The following BRME1 variants were observed in gnomAD, a reference collection of about 807,000 sequenced individuals.
BRME1 encodes the protein BRCA2 and MEILB2-associating protein 1.
Under a neutral mutation model 52.6 loss-of-function variants are expected in BRME1, and 31 were observed. That is an observed-to-expected ratio of 0.59 (90% CI 0.44 to 0.80). BRME1 has a LOEUF of 0.80. Ranked by LOEUF, BRME1 falls within the 30% of genes least tolerant of loss-of-function variation. The probability of loss-of-function intolerance (pLI) is 0.00; values close to 1 mark genes in which losing one functional copy is unlikely to be tolerated. For missense variants in BRME1, 804 were observed against 860.3 expected (o/e 0.93, Z 0.82); for synonymous variants, 359 against 353.6 (o/e 1.02, Z -0.17).
At chr19:13,891,135 T>TTTTTTTTTTTTA (rs59151567) in intron 5 of BRME1, among the ~76,000 whole-genome samples, 2 of 146,632 alleles carry the variant, frequency 1.4e-5, no homozygotes, top group Admixed American at 6.8e-5. Flanking sequence ...CAATTTCCTG[T>TTTTTTTTTTTTA]TTATTATTAT....
In BRME1 at chr19:13,905,990, A is replaced by C. The variant is rs1456013652; in HGVS notation, c.-297T>G. The C allele has an allele frequency of 6.6e-6, 1 of 152,582 alleles. No individual in the cohort carries two copies. The highest frequency in any genetic ancestry group is 1.5e-5 in the Non-Finnish European group (1 of 68,508). 9.5% of individuals were successfully genotyped at this position (152,582 alleles called of 1,614,324 possible). On this transcript the variant is annotated 5_prime_UTR_variant, in exon 1 of 9. Transcript: ENST00000586783. Reference sequence around the variant, plus strand: ...TGAGGACTCCACAGGCCGAGAGCCCACGTGAAGCCGGAGCCCGTCGGTGAC... The same window carrying C: ...TGAGGACTCCACAGGCCGAGAGCCCCCGTGAAGCCGGAGCCCGTCGGTGAC...
chr19:13,889,226 C>G lies in BRME1; in HGVS notation c.1630G>C (p.Ala544Pro). The G allele has an allele frequency of 6.2e-7, 1 of 1,609,658 alleles. No individual in the cohort carries two copies. Reference sequence around the variant, plus strand: ...GCTTCGAAGTCAGAGGCGTCCAGGGCATCCTGTATCTGGCTGTCCAGCAGG... The same window carrying G: ...GCTTCGAAGTCAGAGGCGTCCAGGGGATCCTGTATCTGGCTGTCCAGCAGG... ...DFLLDSQIQDALDASDFEAPP... is the reference protein window; with the variant it reads ...DFLLDSQIQDPLDASDFEAPP... The change falls in exon 6 of 9, where the codon GCC becomes CCC. Residue 544 changes from alanine (A) to proline (P), a missense_variant. Physicochemically the swap from Ala to Pro is conservative, Grantham distance 27 (BLOSUM62 -1). Around this residue, in one of 3 missense-constraint regions of BRME1, gnomAD observed 552 missense variants for 561.1 expected, o/e 0.98. Transcript: ENST00000586783.
chr19:13,897,798 T>C (rs182173724), intron 2 of BRME1, among the ~76,000 whole-genome samples: 1 of 151,838 alleles, frequency 6.6e-6, no homozygotes, highest in East Asian at 1.9e-4. Context: ...GAGGAAGAGA[T>C]TGCAATGAGT....
At chr19:13,903,000 T>C (rs1970405740) in intron 2 of BRME1, among the ~76,000 whole-genome samples, 1 of 151,954 alleles carries the variant, frequency 6.6e-6, no homozygotes, top group Non-Finnish European at 1.5e-5. Flanking sequence ...TGTTCTACAG[T>C]TGATCACTGT....
In BRME1 at chr19:13,882,485, G is replaced by A. The variant is rs1968703871; in HGVS notation, c.*317C>T. On this transcript the variant is annotated 3_prime_UTR_variant, in exon 9 of 9. Transcript: ENST00000586783. ...TCTGAACCATCCATACTTGGCTCAG[G>A]ACCCTAAAATTTGCAAATCCGGACA... 1 of 465,774 alleles carries A rather than the reference G, an allele frequency of 2.1e-6. No homozygotes were observed. Among genetic ancestry groups the A allele is most frequent in the Non-Finnish European group, 3.8e-6 (1 of 265,850 alleles). 28.9% of individuals were successfully genotyped at this position (465,774 alleles called of 1,614,324 possible). A position where few individuals can be genotyped will look rare whatever the true frequency, so the allele number is the denominator to read the frequency against.
chr19:13,884,210 C>T (rs550928219), intron 7 of BRME1, among the ~76,000 whole-genome samples: 5 of 152,202 alleles, frequency 3.3e-5, no homozygotes, highest in Admixed American at 2.0e-4. Context: ...CATAGTGGTG[C>T]GCGCCTGTAG....
chr19:13,904,344 C>A (rs1032551160), intron 2 of BRME1, among the ~76,000 whole-genome samples: 2 of 152,014 alleles, frequency 1.3e-5, no homozygotes, highest in Non-Finnish European at 2.9e-5. Context: ...TGGACTCAAG[C>A]GATCCGCCCA....
intron 5 of BRME1, among the ~76,000 whole-genome samples, chr19:13,892,452 G>A (rs1484806729): frequency 2.0e-5 from 3 of 151,856 alleles, no homozygotes; most frequent in Non-Finnish European, 2.9e-5. Flanking sequence ...TGGGCGCGGT[G>A]GGCAGGCGTC....
intron 8 of BRME1, 24 bp from the exon 9 acceptor site, chr19:13,882,976 G>T: frequency 1.9e-6 from 3 of 1,607,192 alleles, no homozygotes; most frequent in African/African-American, 1.3e-5. Flanking sequence ...ACAGGCATGC[G>T]TGTGGGGCTC....
intron 5 of BRME1, among the ~76,000 whole-genome samples, chr19:13,890,880 T>C (rs1171935489): frequency 3.3e-5 from 5 of 152,058 alleles, no homozygotes; most frequent in East Asian, 1.9e-4. Flanking sequence ...ACAAAAAAAT[T>C]AGTGGCAAAA....
intron 2 of BRME1, among the ~76,000 whole-genome samples, chr19:13,898,288 T>C (rs1362345202): frequency 6.6e-6 from 1 of 152,008 alleles, no homozygotes; most frequent in East Asian, 1.9e-4. Context: ...ATGCCTACTA[T>C]GTAGTAGATT....
chr19:13,883,182 G>C lies in BRME1; in HGVS notation c.1856+126C>G. 1.0e-6 allele frequency: 1 copy of C among 994,764 alleles called. No individual in the cohort carries two copies. The highest frequency in any genetic ancestry group is 1.5e-6 in the Non-Finnish European group (1 of 676,832). The allele number at this position is 994,764 out of a possible 1,614,324, so 61.6% of individuals were successfully genotyped here. A position where few individuals can be genotyped will look rare whatever the true frequency, so the allele number is the denominator to read the frequency against. On this transcript the variant is annotated intron_variant, in intron 8 of 8. Transcript: ENST00000586783. The surrounding 1 kb of genome is among the most constrained non-coding windows in gnomAD (Gnocchi z 4.2). ...GGAGGGGGGCCACGGTGAGGACCCA[G>C]CAGCAGTGAGGTGCCTGACCCTCGC...
At position 13,893,217 on chromosome 19, in the gene BRME1, A is replaced by T; in HGVS notation, c.213T>A (p.Pro71=). The T allele has an allele frequency of 6.3e-7, 1 of 1,580,726 alleles. No homozygotes were observed. Among genetic ancestry groups the T allele is most frequent in the Non-Finnish European group, 8.6e-7 (1 of 1,164,344 alleles). The change falls in exon 4 of 9, where the codon CCT becomes CCA. Residue 71 remains proline, a synonymous_variant. Transcript: ENST00000586783. ...GGCAGGGAGATCCTGTTTCCTCATCAGGGGAGCTATGTAGGAAAAGATAAA... is the reference window on the plus strand; with the variant it reads ...GGCAGGGAGATCCTGTTTCCTCATCTGGGGAGCTATGTAGGAAAAGATAAA... ...EEPGKAVSSS[P]DEETGSPCRL...
At chr19:13,886,921 T>C (rs1245422154) in intron 6 of BRME1, among the ~76,000 whole-genome samples, 2 of 152,080 alleles carry the variant, frequency 1.3e-5, no homozygotes, top group Non-Finnish European at 2.9e-5. Flanking sequence ...TGAGCTGTGA[T>C]TGTGCCACTG....
At chr19:13,904,164 G>A (rs1295149395) in intron 2 of BRME1, among the ~76,000 whole-genome samples, 1 of 151,808 alleles carries the variant, frequency 6.6e-6, no homozygotes, top group Non-Finnish European at 1.5e-5. Context: ...GAGTGCAGTG[G>A]TACGATCTGG....
At position 13,887,437 on chromosome 19, in the gene BRME1, T is replaced by G. The variant is rs565110781; in HGVS notation, c.1669-1382A>C. 1.3e-4 allele frequency among the ~76,000 whole-genome samples: 20 copies of G among 152,298 alleles called. 1 individual carries two copies. The highest frequency in any genetic ancestry group is 4.3e-4 in the African/African-American group (18 of 41,572). On this transcript the variant is annotated intron_variant, in intron 6 of 8. Transcript: ENST00000586783. ...TGGTCGGGTTTGACCAGCCTGGCTGTCTGTCTGGATCCCCCCAAGTCTGGA... is the reference window on the plus strand; with the variant it reads ...TGGTCGGGTTTGACCAGCCTGGCTGGCTGTCTGGATCCCCCCAAGTCTGGA...
At chr19:13,893,310 G>A (rs999041807) in intron 3 of BRME1, 87 bp from the exon 4 acceptor site, 32 of 1,174,264 alleles carry the variant, frequency 2.7e-5, no homozygotes, top group East Asian at 1.3e-4. Flanking sequence ...CGGCTGAGGC[G>A]GGCAGATCAC....
Position 13,889,398 on chromosome 19 carries a change from T to C in BRME1, c.1458A>G (p.Arg486=). ...CCTGGAGAGGGTCGTCTGCTATTTC[T>C]CTGTGTTCCAGCACAACAGAGGCTT... is the stretch of plus-strand genomic sequence containing the variant. ...SPQASVVLEH[R]EIADDPLQEP... Residue 486 remains arginine, a synonymous_variant, in exon 6 of 9, where the codon AGA becomes AGG. Transcript: ENST00000586783. The C allele has an allele frequency of 6.2e-7, 1 of 1,614,070 alleles. No individual in the cohort carries two copies. The highest frequency in any genetic ancestry group is 8.5e-7 in the Non-Finnish European group (1 of 1,180,012).
chr19:13,905,526 T>TA (rs1970644243), intron 1 of BRME1, among the ~76,000 whole-genome samples, 189 bp downstream of exon 1: 1 of 132,970 alleles, frequency 7.5e-6, no homozygotes, highest in Admixed American at 7.3e-5. Context: ...AAAAAAAAAT[T>TA]AGTCAGGTGC....
Sources: allele counts gnomAD v4.1 joint callset (sites outside exome capture counted in the v4.1 genomes callset), GRCh38; gene constraint gnomAD v4.1.1; regional missense constraint gnomAD v4.1.1; non-coding constraint Gnocchi (gnomAD v3.1); transcripts MANE v1.5; gene names NCBI Gene and HGNC (gene_info 2026-07-23, HGNC 2026-07-21).